AKAP13: variants seen among roughly 807,000 people sequenced by gnomAD.
The protein encoded by AKAP13 is A-kinase anchor protein 13.
AKAP13 carries 80 observed loss-of-function variants against 264.5 expected under a neutral mutation model. The ratio of observed to expected loss-of-function variants is 0.30; its 90% CI spans 0.25 to 0.36. AKAP13 has a LOEUF of 0.36. Among genes scored for constraint, AKAP13 ranks in the 10% least tolerant of loss-of-function variants. AKAP13 has a pLI of 1.00. For missense variants in AKAP13, 3,712 were observed against 3,435.2 expected, an observed-to-expected ratio of 1.08 and a Z score of -2.01; for synonymous variants, 1,380 against 1,250.2, an observed-to-expected ratio of 1.10 and a Z score of -2.19.
rs16943699 is a variant in AKAP13 at position 85,730,471 on chromosome 15, T to C, written c.7088-42T>C. On this transcript the variant is annotated intron_variant, in intron 29 of 36. Coordinates refer to ENST00000394518, the MANE Select transcript of AKAP13 (RefSeq NM_007200.5). ...GTGTCTTAGTCATTCTCGTAATTACTAAACACCAATCAAATCACAGATCAT... is the reference window on the plus strand; with the variant it reads ...GTGTCTTAGTCATTCTCGTAATTACCAAACACCAATCAAATCACAGATCAT... 4,245 of 1,598,128 alleles carry C rather than the reference T, an allele frequency of 2.7e-3. 73 individuals are homozygous for C. The African/African-American group carries it at 0.046, about 17-fold the overall frequency.
chr15:85,407,230 C>CTTTTTT (rs796411972), intron 1 of AKAP13, among the ~76,000 whole-genome samples: 1 of 132,178 alleles, frequency 7.6e-6, no homozygotes, highest in Non-Finnish European at 1.6e-5. Flanking sequence ...TGTGCTGGGT[C>CTTTTTT]TTTTTTTTTT....
chr15:85,441,752 A>G (rs2073661138), intron 1 of AKAP13, among the ~76,000 whole-genome samples: 1 of 146,818 alleles, frequency 6.8e-6, no homozygotes, highest in Non-Finnish European at 1.5e-5. Flanking sequence ...CCATTTATTG[A>G]CAAGTCTCTT....
chr15:85,399,552 A>AAAT, intron 1 of AKAP13, among the ~76,000 whole-genome samples: 1 of 147,690 alleles, frequency 6.8e-6, no homozygotes, highest in Non-Finnish European at 1.5e-5. Flanking sequence ...ATAAATAAAT[A>AAAT]AATAAAGTTT....
At chr15:85,440,109 T>TA (rs1359569888) in intron 1 of AKAP13, among the ~76,000 whole-genome samples, 1 of 152,176 alleles carries the variant, frequency 6.6e-6, no homozygotes. Flanking sequence ...GCCCACCCTT[T>TA]ATGTATTTAG....
chr15:85,548,993 A>G (rs1295771878), intron 5 of AKAP13, among the ~76,000 whole-genome samples: 1 of 151,804 alleles, frequency 6.6e-6, no homozygotes, highest in Non-Finnish European at 1.5e-5. Context: ...TGTAGAGAGC[A>G]TAACTCAGTG....
chr15:85,726,500 T>G lies in AKAP13; in HGVS notation c.6822+14T>G. 6.2e-7 allele frequency: 1 copy of G among 1,600,430 alleles called. No individual in the cohort carries two copies. The highest frequency in any genetic ancestry group is 1.3e-5 in the African/African-American group (1 of 74,746). ...TTTGCATCATTGGTAAGCTGAATTGTTATTTTTGTAATAGTATTATAAGCA... is the reference window on the plus strand; with the variant it reads ...TTTGCATCATTGGTAAGCTGAATTGGTATTTTTGTAATAGTATTATAAGCA... On this transcript the variant is annotated intron_variant, in intron 27 of 36. Coordinates refer to ENST00000394518, the MANE Select transcript of AKAP13 (RefSeq NM_007200.5).
At position 85,455,510 on chromosome 15, in the gene AKAP13, T is replaced by G. The variant is rs12443473; in HGVS notation, c.-11-30200T>G. ...ATTTTAGTCACACTCTTTATACTTA[T>G]AGCCACCATGACGTCTCAACTCACA... is the stretch of plus-strand genomic sequence containing the variant. On this transcript the variant is annotated intron_variant, in intron 1 of 36. Coordinates refer to ENST00000394518, the MANE Select transcript of AKAP13 (RefSeq NM_007200.5). Among the ~76,000 whole-genome samples, 571 of 152,046 alleles carry G rather than the reference T, an allele frequency of 3.8e-3. 5 individuals are homozygous for G. The highest frequency in any genetic ancestry group is 0.013 in the African/African-American group (540 of 41,420).
At chr15:85,701,343 T>C (rs1278900778) in intron 17 of AKAP13, 1 of 152,252 alleles carries the variant, frequency 6.6e-6, no homozygotes, top group Non-Finnish European at 1.5e-5. Context: ...CTTTGATTTT[T>C]GGTAATGGCT....
intron 8 of AKAP13, among the ~76,000 whole-genome samples, chr15:85,615,738 T>C (rs1401653577): frequency 6.6e-6 from 1 of 152,226 alleles, no homozygotes; most frequent in Non-Finnish European, 1.5e-5. Flanking sequence ...TTTAAGAGAA[T>C]GTCTCAATTC....
At chr15:85,575,389 G>A in intron 6 of AKAP13, 60 bp downstream of exon 6, 1 of 1,489,370 alleles carries the variant, frequency 6.7e-7, no homozygotes, top group African/African-American at 1.4e-5. Context: ...TTTTGTATGT[G>A]TGTGTCCCCG....
intron 10 of AKAP13, among the ~76,000 whole-genome samples, chr15:85,653,057 T>G (rs1035040462): frequency 1.3e-5 from 2 of 152,186 alleles, no homozygotes; most frequent in Non-Finnish European, 2.9e-5. Context: ...CACGAGACCA[T>G]TTACATTGTC....
At chr15:85,472,025 A>C (rs2074979197) in intron 1 of AKAP13, among the ~76,000 whole-genome samples, 1 of 152,006 alleles carries the variant, frequency 6.6e-6, no homozygotes, top group African/African-American at 2.4e-5. Context: ...TTTTTAAGCA[A>C]GTTTTTCGGT....
intron 1 of AKAP13, among the ~76,000 whole-genome samples, chr15:85,433,950 A>T (rs1210134329): frequency 2.0e-5 from 3 of 152,020 alleles, no homozygotes; most frequent in East Asian, 3.9e-4. Context: ...CAAAAAATAA[A>T]AAAATAAAAA....
At chr15:85,505,813 G>C (rs897677445) in intron 2 of AKAP13, among the ~76,000 whole-genome samples, 8 of 152,074 alleles carry the variant, frequency 5.3e-5, no homozygotes, top group Admixed American at 6.5e-5. Context: ...AAAGCCCCTA[G>C]GTTAAATAAA....
chr15:85,484,526 G>A (rs911642054), intron 1 of AKAP13, among the ~76,000 whole-genome samples: 3 of 152,228 alleles, frequency 2.0e-5, no homozygotes, highest in Admixed American at 6.5e-5. Flanking sequence ...TTTCTACTGC[G>A]TTGTCCAGCA....
At position 85,743,568 on chromosome 15, in the gene AKAP13, C is replaced by T. The variant is rs2089219522; in HGVS notation, c.8135C>T (p.Ala2712Val). ...PSPEEPPSPS[A>V]PSIAKSGSLD... Reference sequence around the variant, plus strand: ...CCTGAGGAGCCCCCCTCGCCATCTGCACCTTCCATAGCCAAATCAGGGTCA... The same window carrying T: ...CCTGAGGAGCCCCCCTCGCCATCTGTACCTTCCATAGCCAAATCAGGGTCA... The change falls in exon 36 of 37, where the codon GCA (alanine) becomes GTA (valine). Residue 2712 changes from alanine to valine, a missense_variant. This residue lies in a region of AKAP13 where 611 missense variants were observed against 539.3 expected (regional missense o/e 1.13). Coordinates refer to ENST00000394518, the MANE Select transcript of AKAP13 (RefSeq NM_007200.5). The T allele has an allele frequency of 1.2e-6, 2 of 1,614,210 alleles. No individual in the cohort carries two copies. Among genetic ancestry groups the T allele is most frequent in the Non-Finnish European group, 1.7e-6 (2 of 1,180,036 alleles).
intron 5 of AKAP13, among the ~76,000 whole-genome samples, chr15:85,569,454 T>TTC (rs201751586): frequency 3.0e-4 from 40 of 134,244 alleles, no homozygotes; most frequent in East Asian, 2.8e-3. Context: ...TTCTTTTCTT[T>TTC]TTTTTTTTTT....
At chr15:85,650,730 TG>T (rs1243709033) in intron 10 of AKAP13, among the ~76,000 whole-genome samples, 1 of 100,290 alleles carries the variant, frequency 1.0e-5, no homozygotes, top group East Asian at 3.2e-4. Flanking sequence ...TACTCCAGCC[TG>T]GGCAACAGAG....
chr15:85,690,925 A>T (rs1411926124), intron 16 of AKAP13, among the ~76,000 whole-genome samples: 1 of 152,196 alleles, frequency 6.6e-6, no homozygotes, highest in Non-Finnish European at 1.5e-5. Flanking sequence ...AATACCTAGT[A>T]TTATCATTGG....
Sources: allele counts gnomAD v4.1 joint callset (sites outside exome capture counted in the v4.1 genomes callset), GRCh38; gene constraint gnomAD v4.1.1; regional missense constraint gnomAD v4.1.1; transcripts MANE v1.5; gene names NCBI Gene and HGNC (gene_info 2026-07-23, HGNC 2026-07-21).